FHDC1: variants seen among roughly 807,000 people sequenced by gnomAD.
The protein encoded by FHDC1 is FH2 domain-containing protein 1.
Under a neutral mutation model 52.6 loss-of-function variants are expected in FHDC1, and 25 were observed. That is an observed-to-expected ratio of 0.48 (90% CI 0.35 to 0.66). FHDC1 has a LOEUF of 0.66. Among genes scored for constraint, FHDC1 ranks in the 30% least tolerant of loss-of-function variants. The pLI is 0.01. For missense variants in FHDC1, 1,459 were observed against 1,452.8 expected, an observed-to-expected ratio of 1.00 and a Z score of -0.07; for synonymous variants, 616 against 581.5, an observed-to-expected ratio of 1.06 and a Z score of -0.85.
At chr4:152,929,758 T>C in the FHDC1 span, among the ~76,000 whole-genome samples, 1 of 152,056 alleles carries the variant, frequency 6.6e-6, no homozygotes, top group South Asian at 2.1e-4. The surrounding 1 kb of genome is among the most constrained non-coding windows in gnomAD (Gnocchi z 4.1). Context: ...TGGATATTAA[T>C]CTCCTTATCG....
At chr4:152,948,458 G>T (rs1050722490) in intron 2 of FHDC1, among the ~76,000 whole-genome samples, 3 of 151,984 alleles carry the variant, frequency 2.0e-5, no homozygotes, top group African/African-American at 4.8e-5. Context: ...ATTGTTTTTT[G>T]TTGTTGTTGT....
chr4:152,974,602 G>A (rs1740777756), intron 11 of FHDC1, 73 bp from the exon 12 acceptor site: 1 of 1,483,792 alleles, frequency 6.7e-7, no homozygotes, highest in Non-Finnish European at 9.0e-7. Context: ...TTGGCTCTTA[G>A]CGTAGGTGGC....
upstream of FHDC1, among the ~76,000 whole-genome samples, chr4:152,933,045 G>T (rs915046661): frequency 6.6e-6 from 1 of 152,212 alleles, no homozygotes; most frequent in Non-Finnish European, 1.5e-5. Context: ...CCTGGTACCA[G>T]TGCCTGGTAC....
intron 3 of FHDC1, 116 bp from the exon 4 acceptor site, chr4:152,954,101 G>A: frequency 1.2e-6 from 1 of 827,624 alleles, no homozygotes; most frequent in Non-Finnish European, 1.9e-6. Context: ...CTGCCAGCCA[G>A]TCTGGGAAGG....
the FHDC1 span, among the ~76,000 whole-genome samples, chr4:152,915,782 T>G: frequency 6.6e-6 from 1 of 152,222 alleles, no homozygotes; most frequent in Non-Finnish European, 1.5e-5. Flanking sequence ...GAAAACAGAC[T>G]ATTTCCATAA....
chr4:152,963,786 T>G lies in FHDC1; in HGVS notation c.1029+656T>G, dbSNP rs996674089. ...ATTGCTTTGTTTTTTTTTTTTTTTTTTTTTTTTTTTTTTTTTTGACTGGAT... is the reference window on the plus strand; with the variant it reads ...ATTGCTTTGTTTTTTTTTTTTTTTTGTTTTTTTTTTTTTTTTTGACTGGAT... On this transcript the variant is annotated intron_variant, in intron 8 of 11. Coordinates refer to ENST00000511601, the MANE Select transcript of FHDC1 (RefSeq NM_001371116.1). 2.2e-3 allele frequency among the ~76,000 whole-genome samples: 303 copies of G among 140,284 alleles called. 2 individuals are homozygous for G. The highest frequency in any genetic ancestry group is 3.6e-3 in the Middle Eastern group (1 of 280). The allele number at this position is 140,284 out of a possible 152,430, so 92.0% of individuals were successfully genotyped here.
rs1355766293 is a variant in FHDC1, at chr4:152,943,009, T to C, written c.-49T>C. The C allele has an allele frequency of 6.4e-7, 1 of 1,551,946 alleles. No homozygotes were observed. On this transcript the variant is annotated 5_prime_UTR_variant, in exon 2 of 12. Coordinates refer to ENST00000511601, the MANE Select transcript of FHDC1 (RefSeq NM_001371116.1). ...GTGCTACACAAGTTTGATGTTTGTGTCTTCTTCTCCAAGGCCAAGAAATTA... is the reference window on the plus strand; with the variant it reads ...GTGCTACACAAGTTTGATGTTTGTGCCTTCTTCTCCAAGGCCAAGAAATTA...
intron 2 of FHDC1, among the ~76,000 whole-genome samples, chr4:152,947,267 G>T (rs1739764263): frequency 6.6e-6 from 1 of 151,302 alleles, no homozygotes; most frequent in Non-Finnish European, 1.5e-5. Context: ...GATATGAAAT[G>T]TTACTATCCT....
chr4:152,937,641 C>A (rs1031917873), intron 1 of FHDC1, among the ~76,000 whole-genome samples: 1 of 151,646 alleles, frequency 6.6e-6, no homozygotes, highest in South Asian at 2.1e-4. Flanking sequence ...CCCGCAGTCC[C>A]CGCCCCGCAG....
At chr4:152,929,381 G>A in the FHDC1 span, among the ~76,000 whole-genome samples, 1 of 152,212 alleles carries the variant, frequency 6.6e-6, no homozygotes, top group Non-Finnish European at 1.5e-5. The surrounding 1 kb of genome is among the most constrained non-coding windows in gnomAD (Gnocchi z 4.1). Context: ...ATGACTTTGA[G>A]TTCTGTCTGT....
rs543645249 is a variant in FHDC1 at position 152,978,385 on chromosome 4, G to A, written c.*1662G>A. The A allele has an allele frequency of 6.6e-6, 1 of 152,262 alleles. No individual in the cohort carries two copies. The highest frequency in any genetic ancestry group is 2.1e-4 in the South Asian group (1 of 4,808). 9.4% of individuals were successfully genotyped at this position (152,262 alleles called of 1,614,324 possible). A position where few individuals can be genotyped will look rare whatever the true frequency, so the allele number is the denominator to read the frequency against. ...CTGTCTCTTAATAATAGTTTTTAAC[G>A]TGGACATCTCTTCCTTGGTACAGTG... On this transcript the variant is annotated 3_prime_UTR_variant, in exon 12 of 12. Coordinates refer to ENST00000511601, the MANE Select transcript of FHDC1 (RefSeq NM_001371116.1).
In FHDC1 at chr4:152,975,359, A is replaced by G; in HGVS notation, c.2068A>G (p.Met690Val). ...AQFNLQGSQG[M>V]EETSQLTLSD... ...GTTCAACCTCCAGGGTTCCCAGGGC[A>G]TGGAGGAGACCTCCCAGCTGACTCT... is the stretch of plus-strand genomic sequence containing the variant. Residue 690 changes from methionine (M) to valine (V), a missense_variant, in exon 12 of 12, where the codon ATG becomes GTG. Met to Val is a conservative substitution (Grantham distance 21). Around this residue, in one of 3 missense-constraint regions of FHDC1, gnomAD observed 939 missense variants for 854.5 expected, o/e 1.10. Coordinates refer to ENST00000511601, the MANE Select transcript of FHDC1 (RefSeq NM_001371116.1). The G allele has an allele frequency of 6.2e-7, 1 of 1,613,710 alleles. No individual in the cohort carries two copies. Among genetic ancestry groups the G allele is most frequent in the East Asian group, 2.2e-5 (1 of 44,874 alleles).
rs200930401 is a variant in FHDC1, at chr4:152,972,507, G to C, written c.1349G>C (p.Arg450Thr). Reference protein sequence around the residue: ...MKLDECFQIFRDFCTKFNKAV... With the variant: ...MKLDECFQIFTDFCTKFNKAV... ...CTGGATGAATGCTTTCAGATATTTA[G>C]AGATTTCTGTACCAAATTCAACAAA... The change falls in exon 11 of 12, where the codon AGA becomes ACA. Residue 450 changes from arginine (R) to threonine (T), a missense_variant. By Grantham distance (71) the Arg-to-Thr change is moderately conservative. Around this residue, in one of 3 missense-constraint regions of FHDC1, gnomAD observed 513 missense variants for 581.5 expected, o/e 0.88. Transcript: ENST00000511601. 37 of 1,611,336 alleles carry C rather than the reference G, an allele frequency of 2.3e-5. No homozygotes were observed. Among genetic ancestry groups the C allele is most frequent in the Non-Finnish European group, 3.1e-5 (36 of 1,179,468 alleles).
At chr4:152,919,941 GTTCTTTT>G in the FHDC1 span, among the ~76,000 whole-genome samples, 1 of 121,876 alleles carries the variant, frequency 8.2e-6, no homozygotes, top group African/African-American at 3.0e-5. Flanking sequence ...TGGTAGGGAA[GTTCTTTT>G]TTTTTTTTTT....
intron 2 of FHDC1, among the ~76,000 whole-genome samples, chr4:152,948,937 A>C (rs1739818154): frequency 6.6e-6 from 1 of 151,942 alleles, no homozygotes; most frequent in Non-Finnish European, 1.5e-5. Context: ...AAAAACTTAA[A>C]AATTAGCCAG....
chr4:152,940,186 G>A (rs780768671), intron 1 of FHDC1, among the ~76,000 whole-genome samples: 3 of 152,194 alleles, frequency 2.0e-5, no homozygotes, highest in Non-Finnish European at 1.5e-5. Context: ...GGCCCAGGGG[G>A]AAACCCTATT....
At chr4:152,936,595 G>C (rs1429685422) in intron 1 of FHDC1, among the ~76,000 whole-genome samples, 186 bp downstream of exon 1, 2 of 152,248 alleles carry the variant, frequency 1.3e-5, no homozygotes, top group African/African-American at 4.8e-5. Context: ...AAGCTGGAGA[G>C]GAGGTTCCAG....
chr4:152,941,952 G>A (rs1020148370), intron 1 of FHDC1, among the ~76,000 whole-genome samples: 3 of 152,040 alleles, frequency 2.0e-5, no homozygotes, highest in Non-Finnish European at 2.9e-5. Flanking sequence ...ACCTGTTCTC[G>A]TATCTGAAGA....
rs1174385665 is a variant in FHDC1, at chr4:152,976,245, G to A, written c.2954G>A (p.Ser985Asn). 1.2e-6 allele frequency: 2 copies of A among 1,613,294 alleles called. No individual in the cohort carries two copies. The highest frequency in any genetic ancestry group is 1.7e-6 in the Non-Finnish European group (2 of 1,179,944). Residue 985 changes from serine (S) to asparagine (N), a missense_variant, in exon 12 of 12, where the codon AGT (serine) becomes AAT (asparagine). By Grantham distance (46) the Ser-to-Asn change is conservative (BLOSUM62 1). Transcript: ENST00000511601. ...LQPRGSFKKP[S>N]AKPLRNLPRQ... ...CCCAGGGGTTCTTTCAAGAAGCCCAGTGCCAAACCACTCAGGAACCTCCCC... is the reference window on the plus strand; with the variant it reads ...CCCAGGGGTTCTTTCAAGAAGCCCAATGCCAAACCACTCAGGAACCTCCCC...
Sources: allele counts gnomAD v4.1 joint callset (sites outside exome capture counted in the v4.1 genomes callset), GRCh38; gene constraint gnomAD v4.1.1; regional missense constraint gnomAD v4.1.1; non-coding constraint Gnocchi (gnomAD v3.1); transcripts MANE v1.5; gene names NCBI Gene and HGNC (gene_info 2026-07-23, HGNC 2026-07-21).